Variants in MBOAT7 observed in about 807,000 individuals in gnomAD.
MBOAT7 encodes the protein membrane bound acylglycerophosphatidylinositol O-acyltransferase MBOAT7.
A neutral mutation model predicts 47.4 loss-of-function variants in MBOAT7; 40 were observed. That is an observed-to-expected ratio of 0.84 (90% CI 0.66 to 1.10). MBOAT7 has a LOEUF of 1.10. Ranked by LOEUF, MBOAT7 falls within the 50% of genes least tolerant of loss-of-function variation. The probability of loss-of-function intolerance (pLI) is 0.00; values close to 1 mark genes in which losing one functional copy is unlikely to be tolerated. For missense variants in MBOAT7, 680 were observed against 655.6 expected (o/e 1.04, Z -0.41); for synonymous variants, 361 against 292.0 (o/e 1.24, Z -2.41).
At chr19:54,175,129 C>A (rs991115664) in intron 7 of MBOAT7, among the ~76,000 whole-genome samples, 1 of 152,094 alleles carries the variant, frequency 6.6e-6, no homozygotes, top group East Asian at 1.9e-4. Context: ...GCGCCTGCCA[C>A]CACGCCCGGC....
rs190725742 is a variant in MBOAT7, at chr19:54,177,670, G to A, written c.1031+1095C>T. 2.2e-3 allele frequency among the ~76,000 whole-genome samples: 342 copies of A among 152,058 alleles called. 11 individuals are homozygous for A. The highest frequency in any genetic ancestry group is 0.02 in the Admixed American group (311 of 15,254). On this transcript the variant is annotated intron_variant, in intron 7 of 7. Transcript: ENST00000245615. ...TGGCTCACCGCAACCTCCGCCTCCC[G>A]GGTTCAAGTGATTCTCTTGCCTCAG... is the stretch of plus-strand genomic sequence containing the variant.
In MBOAT7 at chr19:54,173,418, T is replaced by G; in HGVS notation, c.*626A>C. 3.0e-6 allele frequency: 1 copy of G among 329,410 alleles called. No homozygotes were observed. Among genetic ancestry groups the G allele is most frequent in the African/African-American group, 2.2e-5 (1 of 46,470 alleles). The allele number at this position is 329,410 out of a possible 1,614,324, so 20.4% of individuals were successfully genotyped here. ...GATACCTGCACGGACACGATGCCTT[T>G]GTGCAACACTTTATTGGGAAAGATT... On this transcript the variant is annotated 3_prime_UTR_variant, in exon 8 of 8. Coordinates refer to ENST00000245615, the MANE Select transcript of MBOAT7 (RefSeq NM_024298.5).
At chr19:54,182,231 G>A (rs946803647) in intron 5 of MBOAT7, among the ~76,000 whole-genome samples, 1 of 151,788 alleles carries the variant, frequency 6.6e-6, no homozygotes, top group African/African-American at 2.4e-5. Flanking sequence ...AATGTAGCAT[G>A]GGAAGATAAA....
In MBOAT7 at chr19:54,180,506, A is replaced by G. The variant is rs143462964; in HGVS notation, c.854+267T>C. The G allele has an allele frequency of 2.3e-4, 101 of 439,982 alleles. No homozygotes were observed. The highest frequency in any genetic ancestry group is 1.9e-3 in the African/African-American group (94 of 48,538). The allele number at this position is 439,982 out of a possible 1,614,324, so 27.3% of individuals were successfully genotyped here. ...AACAGAGGGGTGGCACAGGGTTGCT[A>G]AGTTACCACCTTTTCCTAGCGACAG... is the stretch of plus-strand genomic sequence containing the variant. On this transcript the variant is annotated intron_variant, in intron 6 of 7. Transcript: ENST00000245615. The surrounding 1 kb of genome is among the most constrained non-coding windows in gnomAD (Gnocchi z 5.2).
chr19:54,174,253 T>A lies in MBOAT7; in HGVS notation c.1210A>T (p.Met404Leu), dbSNP rs1475600659. Residue 404 changes from methionine to leucine, a missense_variant, in exon 8 of 8, where the codon ATG becomes TTG. Physicochemically the swap from Met to Leu is conservative, Grantham distance 15 (BLOSUM62 2). Coordinates refer to ENST00000245615, the MANE Select transcript of MBOAT7 (RefSeq NM_024298.5). The stretch of plus-strand genomic sequence containing the variant: ...ATGCACATGTAGTCATAGGCGCGCA[T>A]CTTCAGGAACCAGTGCACCCAGTCC... ...AWDWVHWFLK[M>L]RAYDYMCMGF... 6.2e-7 allele frequency: 1 copy of A among 1,609,650 alleles called. No homozygotes were observed. The highest frequency in any genetic ancestry group is 1.7e-5 in the Admixed American group (1 of 59,406).
At chr19:54,184,638 C>T (rs1279147714) in intron 4 of MBOAT7, among the ~76,000 whole-genome samples, 1 of 152,134 alleles carries the variant, frequency 6.6e-6, no homozygotes, top group Non-Finnish European at 1.5e-5. Context: ...CGCGGTGGCT[C>T]ACGCCTGTAA....
At chr19:54,187,447 G>T in intron 3 of MBOAT7, 160 bp from the exon 4 acceptor site, 1 of 820,166 alleles carries the variant, frequency 1.2e-6, no homozygotes. Context: ...TGTAGGGACC[G>T]AATGAGTATG....
At chr19:54,186,985 C>T in intron 4 of MBOAT7, 176 bp downstream of exon 4, 2 of 772,338 alleles carry the variant, frequency 2.6e-6, no homozygotes, top group African/African-American at 1.7e-5. Flanking sequence ...AGGTGAAGAC[C>T]TGCCCAAGGG....
At position 54,180,609 on chromosome 19, in the gene MBOAT7, C is replaced by G; in HGVS notation, c.854+164G>C. On this transcript the variant is annotated intron_variant, in intron 6 of 7. Coordinates refer to ENST00000245615, the MANE Select transcript of MBOAT7 (RefSeq NM_024298.5). This position sits in a 1 kb window ranked among gnomAD's most constrained non-coding sequence, Gnocchi z 5.2. ...GTCAGTACCAGGGATCTTTTCCCTACCGACAGGGGCTGGCAGGCCATGGTT... is the reference window on the plus strand; with the variant it reads ...GTCAGTACCAGGGATCTTTTCCCTAGCGACAGGGGCTGGCAGGCCATGGTT... The G allele has an allele frequency of 1.4e-5, 9 of 654,228 alleles. No homozygotes were observed. 40.5% of individuals were successfully genotyped at this position (654,228 alleles called of 1,614,324 possible).
chr19:54,180,732 G>T lies in MBOAT7; in HGVS notation c.854+41C>A, dbSNP rs1401026046. 6.8e-7 allele frequency: 1 copy of T among 1,459,874 alleles called. No individual in the cohort carries two copies. The highest frequency in any genetic ancestry group is 2.4e-5 in the East Asian group (1 of 40,824). The allele number at this position is 1,459,874 out of a possible 1,614,324, so 90.4% of individuals were successfully genotyped here. On this transcript the variant is annotated intron_variant, in intron 6 of 7. Transcript: ENST00000245615. The surrounding 1 kb of genome is among the most constrained non-coding windows in gnomAD (Gnocchi z 5.2). ...GGGCAGAGCCAGCCCTTGGAGGTGG[G>T]GGCTGCTGGGTCTTGGGAAGCCTCC...
In MBOAT7 at chr19:54,188,227, C is replaced by T. The variant is rs763160606; in HGVS notation, c.196G>A (p.Ala66Thr). Residue 66 changes from alanine to threonine, a missense_variant, in exon 3 of 8, where the codon GCC becomes ACC. Physicochemically the swap from Ala to Thr is moderately conservative, Grantham distance 58. Coordinates refer to ENST00000245615, the MANE Select transcript of MBOAT7 (RefSeq NM_024298.5). ...TILGTWALIQ[A>T]QPCSCHALAL... ...CCACCAAATTCTCACCAGGGCTGGGCCTGAATGAGGGCCCAGGTCCCGAGG... is the reference window on the plus strand; with the variant it reads ...CCACCAAATTCTCACCAGGGCTGGGTCTGAATGAGGGCCCAGGTCCCGAGG... The T allele has an allele frequency of 6.2e-7, 1 of 1,612,166 alleles. No individual in the cohort carries two copies.
intron 4 of MBOAT7, among the ~76,000 whole-genome samples, chr19:54,185,036 C>A (rs1350097003): frequency 6.6e-6 from 1 of 151,516 alleles, no homozygotes; most frequent in East Asian, 1.9e-4. Context: ...ATGGTGAAAC[C>A]CCATCTCTAC....
chr19:54,175,194 G>T lies in MBOAT7; in HGVS notation c.1032-763C>A, dbSNP rs960610769. Among the ~76,000 whole-genome samples the T allele has an allele frequency of 1.4e-4, 22 of 152,228 alleles. No homozygotes were observed. In the East Asian group the frequency reaches 2.1e-3, roughly 15 times the overall value. On this transcript the variant is annotated intron_variant, in intron 7 of 7. Transcript: ENST00000245615. ...GGGGTTTCACCGTGTTAGCCAGGATGGTCTCGATCTCCTGACCTCGTGATC... is the reference window on the plus strand; with the variant it reads ...GGGGTTTCACCGTGTTAGCCAGGATTGTCTCGATCTCCTGACCTCGTGATC...
intron 7 of MBOAT7, chr19:54,178,456 G>T (rs1263414409): frequency 3.0e-5 from 39 of 1,310,510 alleles, no homozygotes; most frequent in Non-Finnish European, 3.8e-5. Context: ...ACTCCTCAAG[G>T]TTTCTCCATA....
rs368545574 is a variant in MBOAT7, at chr19:54,175,137, G to A, written c.1032-706C>T. On this transcript the variant is annotated intron_variant, in intron 7 of 7. Transcript: ENST00000245615. ...ACTACAGGCGCCTGCCACCACGCCC[G>A]GCTAATTTTCTTTTCTATTTTTAGT... is the stretch of plus-strand genomic sequence containing the variant. Among the ~76,000 whole-genome samples the A allele has an allele frequency of 3.2e-3, 489 of 152,044 alleles. 2 individuals carry two copies. The highest frequency in any genetic ancestry group is 5.1e-3 in the Non-Finnish European group (348 of 67,970).
chr19:54,183,586 A>C lies in MBOAT7; in HGVS notation c.428T>G (p.Leu143Arg). The C allele has an allele frequency of 6.2e-7, 1 of 1,608,862 alleles. No homozygotes were observed. Among genetic ancestry groups the C allele is most frequent in the South Asian group, 1.1e-5 (1 of 90,022 alleles). ...GFSKGPTLGLLPDVPSLMETL... is the reference protein window; with the variant it reads ...GFSKGPTLGLRPDVPSLMETL... ...CTCCATCAGGGAGGGCACGTCGGGC[A>C]GCAGCCCCAGGGTGGGCCCCTTGCT... is the stretch of plus-strand genomic sequence containing the variant. Residue 143 changes from leucine (L) to arginine (R), a missense_variant, in exon 5 of 8, where the codon CTG becomes CGG. Leu to Arg is a moderately radical substitution (Grantham distance 102). Transcript: ENST00000245615.
In MBOAT7 at chr19:54,178,949, G is replaced by A. The variant is rs1179952541; in HGVS notation, c.855-8C>T. 1.2e-6 allele frequency: 2 copies of A among 1,612,150 alleles called. No individual in the cohort carries two copies. Among genetic ancestry groups the A allele is most frequent in the Non-Finnish European group, 1.7e-6 (2 of 1,179,440 alleles). On this transcript the variant is annotated splice_region_variant and splice_polypyrimidine_tract_variant and intron_variant, in intron 6 of 7. Transcript: ENST00000245615. Reference sequence around the variant, plus strand: ...GAAGCCGCCTTCTCCGGACTGGGGGGTGGAGGATGAGGGTGGGGGACAGAC... The same window carrying A: ...GAAGCCGCCTTCTCCGGACTGGGGGATGGAGGATGAGGGTGGGGGACAGAC...
At position 54,188,234 on chromosome 19, in the gene MBOAT7, G is replaced by A. The variant is rs1460429939; in HGVS notation, c.189C>T (p.Leu63=). 1.2e-6 allele frequency: 2 copies of A among 1,612,910 alleles called. No individual in the cohort carries two copies. The highest frequency in any genetic ancestry group is 2.2e-5 in the East Asian group (1 of 44,840). The change falls in exon 3 of 8, where the codon CTC becomes CTT. Residue 63 remains leucine (L), a synonymous_variant. Coordinates refer to ENST00000245615, the MANE Select transcript of MBOAT7 (RefSeq NM_024298.5). ...SLVTILGTWA[L]IQAQPCSCHA... Reference sequence around the variant, plus strand: ...ATTCTCACCAGGGCTGGGCCTGAATGAGGGCCCAGGTCCCGAGGATGGTGA... The same window carrying A: ...ATTCTCACCAGGGCTGGGCCTGAATAAGGGCCCAGGTCCCGAGGATGGTGA...
chr19:54,173,896 T>A lies in MBOAT7; in HGVS notation c.*148A>T. 1 of 984,056 alleles carries A rather than the reference T, an allele frequency of 1.0e-6. No homozygotes were observed. The highest frequency in any genetic ancestry group is 1.4e-6 in the Non-Finnish European group (1 of 695,756). The allele number at this position is 984,056 out of a possible 1,614,324, so 61.0% of individuals were successfully genotyped here. ...AGGGCAGGGAGGACACCCCCGGGTC[T>A]GCTTCAGTTGCAGGCAGGGTATTTA... On this transcript the variant is annotated 3_prime_UTR_variant, in exon 8 of 8. Coordinates refer to ENST00000245615, the MANE Select transcript of MBOAT7 (RefSeq NM_024298.5).
Sources: allele counts gnomAD v4.1 joint callset (sites outside exome capture counted in the v4.1 genomes callset), GRCh38; gene constraint gnomAD v4.1.1; non-coding constraint Gnocchi (gnomAD v3.1); transcripts MANE v1.5; gene names NCBI Gene and HGNC (gene_info 2026-07-23, HGNC 2026-07-21).